The following DIP2C variants were observed in gnomAD, a reference collection of about 807,000 sequenced individuals.
The protein encoded by DIP2C is disco-interacting protein 2 homolog C.
A neutral mutation model predicts 192.4 loss-of-function variants in DIP2C; 33 were observed. The ratio of observed to expected loss-of-function variants is 0.17; its 90% confidence interval spans 0.13 to 0.23. The LOEUF (loss-of-function observed/expected upper bound fraction) is 0.23. DIP2C is among the 10% of genes least tolerant of loss of function. The probability of loss-of-function intolerance (pLI) is 1.00; values close to 1 mark genes in which losing one functional copy is unlikely to be tolerated. For missense variants in DIP2C, 1,537 were observed against 2,110.1 expected (o/e 0.73, Z 5.32); for synonymous variants, 979 against 864.1 (o/e 1.13, Z -2.33).
rs550489355 is a variant in DIP2C, at chr10:590,069, G to T, written c.85+99425C>A. Among the ~76,000 whole-genome samples the T allele has an allele frequency of 3.9e-5, 6 of 152,320 alleles. No individual in the cohort carries two copies. In the East Asian group the frequency reaches 9.7e-4, roughly 25 times the overall value. ...GTTTCCACATCACACAGGGCCTGTG[G>T]GAAATGGACACTCTTCCTCTAAACG... is the stretch of plus-strand genomic sequence containing the variant. On this transcript the variant is annotated intron_variant, in intron 1 of 36. Transcript: ENST00000280886.
At chr10:471,700 C>T (rs188379468) in intron 3 of DIP2C, among the ~76,000 whole-genome samples, 1 of 152,142 alleles carries the variant, frequency 6.6e-6, no homozygotes, top group East Asian at 1.9e-4. Flanking sequence ...CTTTAACCTA[C>T]ATGTTGGAAA....
chr10:346,580 ACC>A (rs1958476571), intron 26 of DIP2C, among the ~76,000 whole-genome samples: 1 of 139,236 alleles, frequency 7.2e-6, no homozygotes, highest in Non-Finnish European at 1.5e-5. Context: ...TCTCCTGGAA[ACC>A]CCACACTCAC....
chr10:414,585 C>G (rs536469985), intron 7 of DIP2C, among the ~76,000 whole-genome samples: 1 of 151,808 alleles, frequency 6.6e-6, no homozygotes, highest in South Asian at 2.1e-4. Context: ...TCACAGTTCC[C>G]TGCAGCCTCG....
intron 25 of DIP2C, 130 bp from the exon 26 acceptor site, chr10:348,892 C>T (rs1474840529): frequency 2.9e-6 from 4 of 1,375,702 alleles, no homozygotes; most frequent in Admixed American, 2.4e-5. Context: ...TCACAGCCTC[C>T]GTCATCCTGG....
rs1234651437 is a variant in DIP2C, at chr10:400,604, G to A, written c.1150-1385C>T. Reference sequence around the variant, plus strand: ...TCTTCCTTATGGACAAGTTTGGTACGTGTTCATCAGCACATGAATCCTGTG... The same window carrying A: ...TCTTCCTTATGGACAAGTTTGGTACATGTTCATCAGCACATGAATCCTGTG... On this transcript the variant is annotated intron_variant, in intron 9 of 36. Coordinates refer to ENST00000280886, the MANE Select transcript of DIP2C (RefSeq NM_014974.3). Among the ~76,000 whole-genome samples, 14 of 141,246 alleles carry A rather than the reference G, an allele frequency of 9.9e-5. No individual in the cohort carries two copies. The East Asian group carries it at 1.1e-3, about 11-fold the overall frequency. The allele number at this position is 141,246 out of a possible 152,430, so 92.7% of individuals were successfully genotyped here. A position where few individuals can be genotyped will look rare whatever the true frequency, so the allele number is the denominator to read the frequency against.
At chr10:414,739 G>GTA (rs1554847955) in intron 7 of DIP2C, among the ~76,000 whole-genome samples, 6 of 90,510 alleles carry the variant, frequency 6.6e-5, no homozygotes, top group African/African-American at 1.8e-4. Context: ...GTGTGTGTGT[G>GTA]TACATATATA....
intron 1 of DIP2C, among the ~76,000 whole-genome samples, chr10:561,462 A>G (rs1239036740): frequency 6.6e-6 from 1 of 152,174 alleles, no homozygotes; most frequent in African/African-American, 2.4e-5. Flanking sequence ...TGAGAGTCTC[A>G]GCAACAACGC....
At chr10:369,116 C>T (rs1457958046) in intron 18 of DIP2C, among the ~76,000 whole-genome samples, 1 of 152,228 alleles carries the variant, frequency 6.6e-6, no homozygotes, top group Admixed American at 6.5e-5. Flanking sequence ...TCTGCCTTGG[C>T]GGAAGCCGAG....
intron 1 of DIP2C, among the ~76,000 whole-genome samples, chr10:528,167 C>T (rs1358100321): frequency 6.6e-6 from 1 of 152,170 alleles, no homozygotes; most frequent in Admixed American, 6.5e-5. Context: ...GTTCCTCAAG[C>T]TACAATACTG....
At chr10:680,996 C>T (rs1831109125) in intron 1 of DIP2C, among the ~76,000 whole-genome samples, 1 of 151,176 alleles carries the variant, frequency 6.6e-6, no homozygotes, top group African/African-American at 2.4e-5. Context: ...CCTGCGGCCA[C>T]GGAAATTCCA....
At chr10:396,601 T>C (rs566179134) in intron 10 of DIP2C, among the ~76,000 whole-genome samples, 9 of 152,078 alleles carry the variant, frequency 5.9e-5, no homozygotes, top group Non-Finnish European at 7.4e-5. Context: ...CCCCTAACCA[T>C]GGACATGAAC....
chr10:666,123 G>A lies in DIP2C; in HGVS notation c.85+23371C>T, dbSNP rs1857072036. 1 of 152,202 alleles carries A rather than the reference G, an allele frequency of 6.6e-6. No homozygotes were observed. Among genetic ancestry groups the A allele is most frequent in the Admixed American group, 6.5e-5 (1 of 15,276 alleles). 9.4% of individuals were successfully genotyped at this position (152,202 alleles called of 1,614,324 possible). ...GCAGCTGTGAGTTCGTGGGAAAGAA[G>A]GGCTATCTGGAATAATACGAGTCCG... On this transcript the variant is annotated intron_variant, in intron 1 of 36. Coordinates refer to ENST00000280886, the MANE Select transcript of DIP2C (RefSeq NM_014974.3). This position sits in a 1 kb window ranked among gnomAD's most constrained non-coding sequence, Gnocchi z 4.1.
chr10:355,641 T>C (rs1349423212), intron 24 of DIP2C, among the ~76,000 whole-genome samples: 1 of 152,272 alleles, frequency 6.6e-6, no homozygotes, highest in Non-Finnish European at 1.5e-5. Flanking sequence ...GTTTATTTAA[T>C]GCCTTACTCT....
intron 32 of DIP2C, among the ~76,000 whole-genome samples, chr10:293,000 T>C (rs1367874255): frequency 1.3e-5 from 2 of 152,196 alleles, no homozygotes; most frequent in Non-Finnish European, 2.9e-5. Flanking sequence ...ACAAATAGCA[T>C]TCTCTACCCC....
Position 384,647 on chromosome 10 carries a change from C to G in DIP2C, c.1663-8G>C, listed in dbSNP as rs1962711567. On this transcript the variant is annotated splice_region_variant and splice_polypyrimidine_tract_variant and intron_variant, in intron 14 of 36. Coordinates refer to ENST00000280886, the MANE Select transcript of DIP2C (RefSeq NM_014974.3). ...CATCATGTTCATGACGCTCTGCAAT[C>G]AACAAAGGAACACGCAGGGTGAGCA... is the stretch of plus-strand genomic sequence containing the variant. The G allele has an allele frequency of 6.2e-7, 1 of 1,613,548 alleles. No individual in the cohort carries two copies. Among genetic ancestry groups the G allele is most frequent in the Non-Finnish European group, 8.5e-7 (1 of 1,179,940 alleles).
intron 31 of DIP2C, among the ~76,000 whole-genome samples, chr10:321,631 GGGC>G: frequency 8.3e-6 from 1 of 120,610 alleles, no homozygotes; most frequent in Non-Finnish European, 1.7e-5. Context: ...CGGGGGTGCG[GGGC>G]TCCGGCGAGA....
chr10:587,437 A>G (rs968477382), intron 1 of DIP2C, among the ~76,000 whole-genome samples: 2 of 152,224 alleles, frequency 1.3e-5, no homozygotes, highest in Non-Finnish European at 2.9e-5. Flanking sequence ...GGGAGGCCAC[A>G]CTGCCATAGG....
At chr10:518,995 C>T (rs1420238851) in intron 1 of DIP2C, among the ~76,000 whole-genome samples, 1 of 152,238 alleles carries the variant, frequency 6.6e-6, no homozygotes, top group Non-Finnish European at 1.5e-5. Flanking sequence ...GGGTCCCAGG[C>T]TCTGCACAGA....
chr10:523,548 G>A lies in DIP2C; in HGVS notation c.86-37018C>T, dbSNP rs536977156. On this transcript the variant is annotated intron_variant, in intron 1 of 36. Coordinates refer to ENST00000280886, the MANE Select transcript of DIP2C (RefSeq NM_014974.3). The stretch of plus-strand genomic sequence containing the variant: ...CCTGAGCAAAGGACCCTGGAGTGAG[G>A]ATGCAGGGACTCTGCATGACCCACA... 9.1e-4 allele frequency among the ~76,000 whole-genome samples: 135 copies of A among 148,372 alleles called. 4 individuals are homozygous for A. Among genetic ancestry groups the A allele is most frequent in the Non-Finnish European group, 1.1e-3 (76 of 67,254 alleles).
Sources: gnomAD v4.1 joint callset for allele counts (sites outside exome capture counted in the v4.1 genomes callset) on GRCh38, gnomAD v4.1.1 for gene constraint, Gnocchi (gnomAD v3.1) non-coding constraint, MANE v1.5 for transcripts, NCBI Gene and HGNC (gene_info 2026-07-23, HGNC 2026-07-21) for gene names.